Variants in DNAJC1 observed in about 807,000 individuals in gnomAD.
DNAJC1 encodes the protein dnaJ homolog subfamily C member 1.
DNAJC1 carries 58 observed loss-of-function variants against 76.6 expected under a neutral mutation model. The observed-to-expected ratio is 0.76, with a 90% confidence interval of 0.61 to 0.94. The LOEUF is 0.94. DNAJC1 is among the 40% of genes least tolerant of loss of function. The pLI is 0.00. For missense variants in DNAJC1, 689 were observed against 677.3 expected, an observed-to-expected ratio of 1.02 and a Z score of -0.19; for synonymous variants, 258 against 267.9, an observed-to-expected ratio of 0.96 and a Z score of 0.36.
At chr10:21,829,611 C>T (rs1811699879) in intron 8 of DNAJC1, among the ~76,000 whole-genome samples, 1 of 152,224 alleles carries the variant, frequency 6.6e-6, no homozygotes, top group Admixed American at 6.5e-5. Context: ...CTCGGCCTCC[C>T]CAAGTGCTGG....
chr10:21,946,194 C>T (rs929584346), intron 1 of DNAJC1, among the ~76,000 whole-genome samples: 3 of 151,542 alleles, frequency 2.0e-5, no homozygotes, highest in African/African-American at 7.3e-5. Flanking sequence ...GTGTGTGCCA[C>T]CACGCCCAAC....
chr10:21,816,076 A>G (rs982719078), intron 8 of DNAJC1, among the ~76,000 whole-genome samples: 1 of 150,820 alleles, frequency 6.6e-6, no homozygotes, highest in Admixed American at 6.6e-5. Flanking sequence ...ATGGATATCC[A>G]GTTGTTCCAA....
At position 21,837,371 on chromosome 10, in the gene DNAJC1, C is replaced by T. The variant is rs556090098; in HGVS notation, c.979-31272G>A. On this transcript the variant is annotated intron_variant, in intron 8 of 11. Coordinates refer to ENST00000376980, the MANE Select transcript of DNAJC1 (RefSeq NM_022365.4). ...TGAGAAGCGTCTCTGCCTGGCCGCCCATCGTCTGGGATGTGAGGAGCCCCT... is the reference window on the plus strand; with the variant it reads ...TGAGAAGCGTCTCTGCCTGGCCGCCTATCGTCTGGGATGTGAGGAGCCCCT... 3.4e-4 allele frequency among the ~76,000 whole-genome samples: 51 copies of T among 151,962 alleles called. 1 individual carries two copies. The South Asian group carries it at 9.2e-3, about 27-fold the overall frequency.
intron 9 of DNAJC1, among the ~76,000 whole-genome samples, chr10:21,791,340 G>A (rs1043633443): frequency 6.6e-5 from 10 of 152,054 alleles, no homozygotes; most frequent in African/African-American, 2.2e-4. Context: ...ATTCAGACAG[G>A]AAATCAACAA....
chr10:21,790,954 G>C (rs150377113), intron 9 of DNAJC1, among the ~76,000 whole-genome samples: 89 of 152,040 alleles, frequency 5.9e-4, no homozygotes, highest in African/African-American at 1.8e-3. Context: ...AAAAATATGA[G>C]TCAACTATAC....
intron 10 of DNAJC1, among the ~76,000 whole-genome samples, chr10:21,763,102 T>G (rs1278683123): frequency 6.6e-6 from 1 of 152,098 alleles, no homozygotes; most frequent in African/African-American, 2.4e-5. Flanking sequence ...AACTAATTTT[T>G]GTAGTTTTAG....
intron 8 of DNAJC1, among the ~76,000 whole-genome samples, chr10:21,844,323 G>C (rs1400353044): frequency 6.6e-6 from 1 of 151,452 alleles, no homozygotes. Context: ...GCCCAGGCTG[G>C]TCTCGAATCC....
intron 9 of DNAJC1, among the ~76,000 whole-genome samples, chr10:21,770,826 G>C (rs1001492946): frequency 1.3e-5 from 2 of 152,092 alleles, no homozygotes; most frequent in African/African-American, 2.4e-5. Context: ...ACTCACAAAA[G>C]TTTTTAATTT....
At chr10:21,849,952 A>G (rs1835726725) in intron 8 of DNAJC1, among the ~76,000 whole-genome samples, 1 of 152,170 alleles carries the variant, frequency 6.6e-6, no homozygotes, top group Non-Finnish European at 1.5e-5. Flanking sequence ...TAAAGTAGGA[A>G]TAGAAGGAAA....
At position 21,759,321 on chromosome 10, in the gene DNAJC1, T is replaced by C. The variant is rs1191932854; in HGVS notation, c.1445A>G (p.Glu482Gly). The change falls in exon 11 of 12, where the codon GAG becomes GGG. Residue 482 changes from glutamate (E) to glycine (G), a missense_variant. Transcript: ENST00000376980. ...AGCTCTCTCTTTTCTCAGGCTCTCC[T>C]CGTCGCTGGACTCGTTTTGTTCTGC... Reference protein sequence around the residue: ...DIAEQNESSDEESLRKERARS... With the variant: ...DIAEQNESSDGESLRKERARS... The C allele has an allele frequency of 6.2e-7, 1 of 1,614,236 alleles. No homozygotes were observed. The highest frequency in any genetic ancestry group is 2.2e-5 in the East Asian group (1 of 44,884).
chr10:21,884,471 A>G lies in DNAJC1; in HGVS notation c.821-2032T>C, dbSNP rs866472924. Among the ~76,000 whole-genome samples, 9 of 152,298 alleles carry G rather than the reference A, an allele frequency of 5.9e-5. No homozygotes were observed. In the Middle Eastern group the frequency reaches 0.014, roughly 230 times the overall value. ...ATTGGTGGAGGAAATGTATTATTCT[A>G]TTAGAGCCTTTCTGGAAAGCAGTCT... On this transcript the variant is annotated intron_variant, in intron 7 of 11. Coordinates refer to ENST00000376980, the MANE Select transcript of DNAJC1 (RefSeq NM_022365.4).
At chr10:21,983,661 C>CA (rs1300857182) in intron 1 of DNAJC1, among the ~76,000 whole-genome samples, 1 of 148,068 alleles carries the variant, frequency 6.8e-6, no homozygotes, top group Non-Finnish European at 1.5e-5. Flanking sequence ...GCAGAGGCTG[C>CA]AGTGAGCAGA....
chr10:21,882,330 T>C lies in DNAJC1; in HGVS notation c.930A>G (p.Glu310=). Residue 310 remains glutamate, a synonymous_variant, in exon 8 of 12, where the codon GAA becomes GAG. Transcript: ENST00000376980. ...TGTTTTCCAACCAATCATCCATTTG[T>C]TCCTCAATTTCTTCTATGGAAGTTC... The part of the protein sequence containing the change: ...DHGTSIEEIE[E]QMDDWLENRN... 2 of 1,607,058 alleles carry C rather than the reference T, an allele frequency of 1.2e-6. No homozygotes were observed. Among genetic ancestry groups the C allele is most frequent in the Non-Finnish European group, 1.7e-6 (2 of 1,177,964 alleles).
At chr10:21,890,436 A>G (rs975440297) in intron 7 of DNAJC1, among the ~76,000 whole-genome samples, 12 of 151,878 alleles carry the variant, frequency 7.9e-5, no homozygotes, top group East Asian at 5.8e-4. Context: ...AAAAAAAAAA[A>G]AAAAGAAAGG....
At chr10:21,804,660 C>CAA (rs56713100) in intron 9 of DNAJC1, among the ~76,000 whole-genome samples, 19 of 99,770 alleles carry the variant, frequency 1.9e-4, no homozygotes, top group Admixed American at 3.3e-4. Flanking sequence ...TGAAACACAG[C>CAA]AAAAAAAAAA....
chr10:21,836,950 T>C (rs1231709314), intron 8 of DNAJC1, among the ~76,000 whole-genome samples: 1 of 152,176 alleles, frequency 6.6e-6, no homozygotes, highest in African/African-American at 2.4e-5. Flanking sequence ...ACGGTCTCCC[T>C]CTGATGCCGA....
intron 9 of DNAJC1, among the ~76,000 whole-genome samples, chr10:21,780,351 T>A (rs1019158622): frequency 6.6e-6 from 1 of 152,172 alleles, no homozygotes; most frequent in Admixed American, 6.5e-5. Flanking sequence ...GAGAGAAAGG[T>A]TGGGTTACCC....
chr10:21,872,447 C>T (rs1231549647), intron 8 of DNAJC1, among the ~76,000 whole-genome samples: 1 of 152,094 alleles, frequency 6.6e-6, no homozygotes, highest in Non-Finnish European at 1.5e-5. Flanking sequence ...GGGAACAATG[C>T]ACCACCAAAT....
intron 8 of DNAJC1, among the ~76,000 whole-genome samples, chr10:21,807,005 C>T (rs949990150): frequency 6.6e-6 from 1 of 152,220 alleles, no homozygotes; most frequent in East Asian, 1.9e-4. Context: ...AACCACGTTA[C>T]AATTATTTCA....
Sources: allele counts gnomAD v4.1 joint callset (sites outside exome capture counted in the v4.1 genomes callset), GRCh38; gene constraint gnomAD v4.1.1; transcripts MANE v1.5; gene names NCBI Gene and HGNC (gene_info 2026-07-23, HGNC 2026-07-21).